The following FBXL7 variants were observed in gnomAD, a reference collection of about 807,000 sequenced individuals.
FBXL7 encodes the protein F-box/LRR-repeat protein 7.
FBXL7 carries 12 observed loss-of-function variants against 38.3 expected under a neutral mutation model. The observed-to-expected ratio is 0.31, with a 90% CI of 0.20 to 0.51. The LOEUF is 0.51. FBXL7 is among the 20% of genes least tolerant of loss of function. The pLI is 0.98. For synonymous variants in FBXL7, 297 were observed against 300.9 expected (o/e 0.99, Z 0.13); for missense variants, 567 against 676.4 (o/e 0.84, Z 1.79).
intron 1 of FBXL7, among the ~76,000 whole-genome samples, chr5:15,543,431 G>A (rs1452963937): frequency 6.6e-6 from 1 of 152,160 alleles, no homozygotes; most frequent in Non-Finnish European, 1.5e-5. Flanking sequence ...ACAATTCAAG[G>A]TGAGATTTGG....
intron 2 of FBXL7, among the ~76,000 whole-genome samples, chr5:15,732,299 A>T (rs1238618846): frequency 1.3e-5 from 2 of 152,124 alleles, no homozygotes; most frequent in Non-Finnish European, 2.9e-5. Context: ...CTCTATTGTT[A>T]AAAAAATAAA....
intron 2 of FBXL7, among the ~76,000 whole-genome samples, chr5:15,914,167 T>C (rs1177037642): frequency 1.3e-5 from 2 of 151,900 alleles, no homozygotes; most frequent in Admixed American, 1.3e-4. Flanking sequence ...CGGGCGGATC[T>C]CGAGGTCAGG....
intron 2 of FBXL7, among the ~76,000 whole-genome samples, chr5:15,620,413 G>T (rs7379255): frequency 0.2 from 19,012 of 94,652 alleles, 1,450 homozygotes; most frequent in African/African-American, 0.27. Flanking sequence ...TTTGTTTTTT[G>T]TTTTTTTTTT....
intron 1 of FBXL7, among the ~76,000 whole-genome samples, chr5:15,567,427 C>G (rs1409103930): frequency 6.6e-6 from 1 of 151,478 alleles, no homozygotes; most frequent in African/African-American, 2.4e-5. Flanking sequence ...TTTTGCGTTT[C>G]TCTCCCTTTA....
At chr5:15,571,564 T>C (rs541283823) in intron 1 of FBXL7, among the ~76,000 whole-genome samples, 1 of 152,188 alleles carries the variant, frequency 6.6e-6, no homozygotes, top group South Asian at 2.1e-4. Context: ...GGAAATATTT[T>C]CCCAAGAAAA....
chr5:15,768,964 G>A (rs1044830595), intron 2 of FBXL7, among the ~76,000 whole-genome samples: 1 of 152,246 alleles, frequency 6.6e-6, no homozygotes, highest in African/African-American at 2.4e-5. Flanking sequence ...GACATATGCT[G>A]TAGGGAAATG....
chr5:15,778,486 A>G (rs1736914852), intron 2 of FBXL7, among the ~76,000 whole-genome samples: 1 of 152,082 alleles, frequency 6.6e-6, no homozygotes, highest in Non-Finnish European at 1.5e-5. Flanking sequence ...CACCCTCTAG[A>G]CTAATTAGTT....
chr5:15,721,984 A>G (rs1156297556), intron 2 of FBXL7, among the ~76,000 whole-genome samples: 1 of 152,062 alleles, frequency 6.6e-6, no homozygotes, highest in East Asian at 1.9e-4. Context: ...ACAGGCACCC[A>G]CCACCACAGT....
chr5:15,760,296 G>C (rs902526796), intron 2 of FBXL7, among the ~76,000 whole-genome samples: 1 of 151,908 alleles, frequency 6.6e-6, no homozygotes, highest in African/African-American at 2.4e-5. Flanking sequence ...ATGATTAGCT[G>C]TGGTATACCC....
chr5:15,882,913 A>G (rs1561171521), intron 2 of FBXL7, among the ~76,000 whole-genome samples: 1 of 152,106 alleles, frequency 6.6e-6, no homozygotes, highest in Admixed American at 6.5e-5. Flanking sequence ...GTATTTTTTC[A>G]TTGCAGGGAT....
chr5:15,863,322 A>G (rs1739560417), intron 2 of FBXL7, among the ~76,000 whole-genome samples: 1 of 152,222 alleles, frequency 6.6e-6, no homozygotes, highest in Non-Finnish European at 1.5e-5. Context: ...CTTTCTGGTC[A>G]TCATTTTCTT....
At chr5:15,898,751 A>G (rs1419875571) in intron 2 of FBXL7, among the ~76,000 whole-genome samples, 1 of 152,170 alleles carries the variant, frequency 6.6e-6, no homozygotes, top group Non-Finnish European at 1.5e-5. Context: ...CCATAGAAAA[A>G]CGGCAGCTCA....
At chr5:15,731,658 G>A (rs953042241) in intron 2 of FBXL7, among the ~76,000 whole-genome samples, 2 of 152,192 alleles carry the variant, frequency 1.3e-5, no homozygotes, top group African/African-American at 4.8e-5. Flanking sequence ...CAGAGTGTAA[G>A]CTTCATGAAA....
chr5:15,524,352 A>C (rs556830161), intron 1 of FBXL7, among the ~76,000 whole-genome samples: 5 of 152,290 alleles, frequency 3.3e-5, no homozygotes, highest in African/African-American at 1.2e-4. Context: ...AATGACACTT[A>C]ACTTCTTGGG....
intron 2 of FBXL7, among the ~76,000 whole-genome samples, chr5:15,653,866 A>G (rs1217557801): frequency 2.0e-5 from 3 of 152,216 alleles, no homozygotes; most frequent in African/African-American, 7.2e-5. Flanking sequence ...CTACCAGTAA[A>G]GACATGCACC....
At chr5:15,719,201 G>A (rs1358150166) in intron 2 of FBXL7, among the ~76,000 whole-genome samples, 1 of 152,086 alleles carries the variant, frequency 6.6e-6, no homozygotes, top group African/African-American at 2.4e-5. Context: ...ATAATAGCAA[G>A]TTCAGGCTTT....
chr5:15,876,750 C>A (rs1740225124), intron 2 of FBXL7, among the ~76,000 whole-genome samples: 1 of 152,160 alleles, frequency 6.6e-6, no homozygotes, highest in Non-Finnish European at 1.5e-5. Flanking sequence ...GCTCTTATTT[C>A]AATTTCTTTA....
chr5:15,840,299 C>T lies in FBXL7; in HGVS notation c.128-87591C>T, dbSNP rs1253658206. Among the ~76,000 whole-genome samples the T allele has an allele frequency of 2.6e-5, 4 of 152,260 alleles. No individual in the cohort carries two copies. In the East Asian group the frequency reaches 7.7e-4, roughly 29 times the overall value. ...TTTCTATCCCTCTGCCAATATCACA[C>T]AGTCTTATTTACTCAAACTCAGTAG... is the stretch of plus-strand genomic sequence containing the variant. On this transcript the variant is annotated intron_variant, in intron 2 of 3. Transcript: ENST00000504595.
rs534930407 is a variant in FBXL7 at position 15,540,703 on chromosome 5, G to A, written c.37+39990G>A. Among the ~76,000 whole-genome samples the A allele has an allele frequency of 2.8e-4, 42 of 152,266 alleles. No individual in the cohort carries two copies. The South Asian group carries it at 5.6e-3, about 20-fold the overall frequency. On this transcript the variant is annotated intron_variant, in intron 1 of 3. Coordinates refer to ENST00000504595, the MANE Select transcript of FBXL7 (RefSeq NM_012304.5). ...TCTGGAGGCTGAACGTCTAAGATCA[G>A]GGAACCAGCGTGGTCAGGTTCTGCT...
Sources: allele counts gnomAD v4.1 joint callset (sites outside exome capture counted in the v4.1 genomes callset), GRCh38; gene constraint gnomAD v4.1.1; transcripts MANE v1.5; gene names NCBI Gene and HGNC (gene_info 2026-07-23, HGNC 2026-07-21).